The following TMPRSS11F variants were observed in gnomAD, a reference collection of about 807,000 sequenced individuals.
TMPRSS11F encodes transmembrane serine protease 11F, also known as transmembrane protease serine 11F.
In TMPRSS11F, 47 loss-of-function variants were observed where a neutral mutation model predicts 60.2. That is an observed-to-expected ratio of 0.78 (90% CI 0.62 to 1.00). TMPRSS11F has a LOEUF of 1.00. Ranked by LOEUF, TMPRSS11F falls within the 50% of genes least tolerant of loss-of-function variation. The pLI, the probability that TMPRSS11F is intolerant of heterozygous loss-of-function variation, is 0.00. For missense variants in TMPRSS11F, 519 were observed against 522.9 expected, an observed-to-expected ratio of 0.99 and a Z score of 0.07; for synonymous variants, 166 against 167.3, an observed-to-expected ratio of 0.99 and a Z score of 0.06.
At chr4:68,119,769 C>T (rs1724587746) in intron 1 of TMPRSS11F, among the ~76,000 whole-genome samples, 1 of 152,192 alleles carries the variant, frequency 6.6e-6, no homozygotes, top group African/African-American at 2.4e-5. Flanking sequence ...ATGTTGTTTT[C>T]AAGCCTGCTA....
intron 3 of TMPRSS11F, among the ~76,000 whole-genome samples, chr4:68,079,874 A>T (rs1723656222): frequency 6.6e-6 from 1 of 152,240 alleles, no homozygotes; most frequent in Admixed American, 6.5e-5. Flanking sequence ...AATTAGCTTC[A>T]TACCACCCAG....
At chr4:68,110,318 T>C (rs1001253031) in intron 1 of TMPRSS11F, among the ~76,000 whole-genome samples, 1 of 152,156 alleles carries the variant, frequency 6.6e-6, no homozygotes, top group Non-Finnish European at 1.5e-5. Context: ...CTATTTTAGA[T>C]GCACAAAGGA....
chr4:68,109,682 G>C (rs1577933079), intron 1 of TMPRSS11F, among the ~76,000 whole-genome samples: 1 of 152,152 alleles, frequency 6.6e-6, no homozygotes, highest in East Asian at 1.9e-4. Context: ...AAGTACAAAA[G>C]AGAAGTTATT....
At chr4:68,094,377 C>A (rs1274325057) in intron 2 of TMPRSS11F, among the ~76,000 whole-genome samples, 1 of 124,290 alleles carries the variant, frequency 8.0e-6, no homozygotes, top group Non-Finnish European at 1.6e-5. Context: ...AGAAGGGGAA[C>A]ATCACACTCT....
chr4:68,057,369 A>C (rs1369470649), intron 9 of TMPRSS11F, among the ~76,000 whole-genome samples: 1 of 152,032 alleles, frequency 6.6e-6, no homozygotes, highest in Non-Finnish European at 1.5e-5. Context: ...AAATGGATTA[A>C]AAACCTAAAC....
intron 9 of TMPRSS11F, among the ~76,000 whole-genome samples, chr4:68,058,333 A>G (rs924666354): frequency 2.0e-5 from 3 of 152,206 alleles, no homozygotes. Context: ...TGTACTCCAT[A>G]GATGTAATAC....
intron 2 of TMPRSS11F, among the ~76,000 whole-genome samples, chr4:68,096,652 C>T (rs1276679905): frequency 6.6e-6 from 1 of 152,082 alleles, no homozygotes; most frequent in Non-Finnish European, 1.5e-5. Context: ...TAAAATTGCC[C>T]AGTTTTAAAA....
intron 2 of TMPRSS11F, among the ~76,000 whole-genome samples, chr4:68,094,582 A>G (rs189960747): frequency 1.6e-3 from 235 of 151,130 alleles, no homozygotes; most frequent in Admixed American, 3.6e-3. Context: ...AAATAAATAA[A>G]TAAATAAATA....
Position 68,057,880 on chromosome 4 carries a change from G to A in TMPRSS11F, c.1158+1446C>T, listed in dbSNP as rs574342248. Among the ~76,000 whole-genome samples the A allele has an allele frequency of 1.8e-4, 15 of 81,588 alleles. No homozygotes were observed. In the South Asian group the frequency reaches 5.6e-3, roughly 30 times the overall value. 53.5% of individuals were successfully genotyped at this position (81,588 alleles called of 152,430 possible). A position where few individuals can be genotyped will look rare whatever the true frequency, so the allele number is the denominator to read the frequency against. ...GGTATATCTACAAAATAAATATTAT[G>A]CAGCCATAAAAAGAATAAATTCTGT... On this transcript the variant is annotated intron_variant, in intron 9 of 9. Coordinates refer to ENST00000356291, the MANE Select transcript of TMPRSS11F (RefSeq NM_207407.2).
Position 68,054,033 on chromosome 4 carries a change from T to A in TMPRSS11F, c.1193A>T (p.His398Leu). 2 of 1,613,352 alleles carry A rather than the reference T, an allele frequency of 1.2e-6. No individual in the cohort carries two copies. Among genetic ancestry groups the A allele is most frequent in the African/African-American group, 2.7e-5 (2 of 75,006 alleles). The change falls in exon 10 of 10, where the codon CAT (histidine) becomes CTT (leucine). Residue 398 changes from histidine (H) to leucine (L), a missense_variant. His to Leu is a moderately conservative substitution (Grantham distance 99). Coordinates refer to ENST00000356291, the MANE Select transcript of TMPRSS11F (RefSeq NM_207407.2). ...TATACCTACAATGTACCAGATGTCA[T>A]GATTATCATAAACCAGAGGTCCACC... ...DSGGPLVYDN[H>L]DIWYIVGIVS...
intron 2 of TMPRSS11F, among the ~76,000 whole-genome samples, chr4:68,090,853 A>T (rs937285881): frequency 2.0e-5 from 3 of 152,170 alleles, no homozygotes; most frequent in African/African-American, 7.2e-5. Flanking sequence ...CTCATACATA[A>T]CACTCCATTA....
intron 1 of TMPRSS11F, among the ~76,000 whole-genome samples, chr4:68,126,776 C>G (rs1484886520): frequency 6.6e-6 from 1 of 152,166 alleles, no homozygotes; most frequent in Admixed American, 6.5e-5. Flanking sequence ...TAGAAGTATA[C>G]ACAATGTGTT....
chr4:68,054,171 A>G, intron 9 of TMPRSS11F, 104 bp from the exon 10 acceptor site: 1 of 974,054 alleles, frequency 1.0e-6, no homozygotes, highest in Non-Finnish European at 1.5e-6. Flanking sequence ...TACACAGACC[A>G]CAGCCAGACT....
intron 1 of TMPRSS11F, among the ~76,000 whole-genome samples, chr4:68,102,545 T>G (rs1007171513): frequency 1.3e-5 from 2 of 152,160 alleles, no homozygotes; most frequent in African/African-American, 4.8e-5. Flanking sequence ...CATGTTAGTT[T>G]TAATTTACAT....
In TMPRSS11F at chr4:68,058,306, T is replaced by A. The variant is rs145309362; in HGVS notation, c.1158+1020A>T. On this transcript the variant is annotated intron_variant, in intron 9 of 9. Coordinates refer to ENST00000356291, the MANE Select transcript of TMPRSS11F (RefSeq NM_207407.2). ...ACTTAACCATTCCACATTGTATACA[T>A]GTATCAAATGTCACATTGTACTCCA... Among the ~76,000 whole-genome samples, 691 of 152,342 alleles carry A rather than the reference T, an allele frequency of 4.5e-3. 3 individuals are homozygous for A. Among genetic ancestry groups the A allele is most frequent in the Non-Finnish European group, 7.6e-3 (516 of 68,028 alleles).
intron 3 of TMPRSS11F, among the ~76,000 whole-genome samples, chr4:68,081,513 A>G (rs939378651): frequency 3.3e-5 from 5 of 152,226 alleles, no homozygotes; most frequent in Non-Finnish European, 5.9e-5. Context: ...GGGAAAATGG[A>G]GACCAGTCTG....
intron 4 of TMPRSS11F, 59 bp downstream of exon 4, chr4:68,073,883 T>C: frequency 9.2e-7 from 1 of 1,092,020 alleles, no homozygotes; most frequent in Admixed American, 2.7e-5. Context: ...AGCAATTAGG[T>C]TCATCAAATA....
At chr4:68,080,103 T>A (rs919084170) in intron 3 of TMPRSS11F, 2 of 152,242 alleles carry the variant, frequency 1.3e-5, no homozygotes, top group African/African-American at 4.8e-5. Context: ...ACTGATTCTT[T>A]TCCTCTTTCC....
At chr4:68,069,243 T>C (rs1211404024) in intron 6 of TMPRSS11F, among the ~76,000 whole-genome samples, 1 of 152,170 alleles carries the variant, frequency 6.6e-6, no homozygotes, top group Non-Finnish European at 1.5e-5. Flanking sequence ...CCAAAACTAG[T>C]AGCAGTATCC....
Sources: allele counts gnomAD v4.1 joint callset (sites outside exome capture counted in the v4.1 genomes callset), GRCh38; gene constraint gnomAD v4.1.1; transcripts MANE v1.5; gene names NCBI Gene and HGNC (gene_info 2026-07-23, HGNC 2026-07-21).